Variants in MOB1B observed in about 807,000 individuals in gnomAD.
The protein encoded by MOB1B is MOB1 Mps One Binder homolog B.
MOB1B carries 19 observed loss-of-function variants against 24.4 expected under a neutral mutation model. The ratio of observed to expected loss-of-function variants is 0.78; its 90% CI spans 0.54 to 1.14. MOB1B has a LOEUF of 1.14. Among genes scored for constraint, MOB1B ranks in the 50% most tolerant of loss-of-function variants. The probability of loss-of-function intolerance (pLI) is 0.00; values close to 1 mark genes in which losing one functional copy is unlikely to be tolerated. For synonymous variants in MOB1B, 76 were observed against 82.1 expected (o/e 0.93, Z 0.40); for missense variants, 243 against 259.6 (o/e 0.94, Z 0.44).
At chr4:70,956,819 A>G (rs908089919) in intron 1 of MOB1B, among the ~76,000 whole-genome samples, 2 of 152,158 alleles carry the variant, frequency 1.3e-5, no homozygotes, top group African/African-American at 4.8e-5. Context: ...TTAAACACCT[A>G]TGGAGAGACC....
At chr4:70,977,308 A>G (rs1387948590) in intron 4 of MOB1B, among the ~76,000 whole-genome samples, 3 of 152,114 alleles carry the variant, frequency 2.0e-5, no homozygotes, top group Non-Finnish European at 4.4e-5. Flanking sequence ...TGAGGAGTGC[A>G]TATTATTTTA....
rs1739238779 is a variant in MOB1B, at chr4:70,982,217, T to C, written c.*160T>C. On this transcript the variant is annotated 3_prime_UTR_variant, in exon 6 of 6. Transcript: ENST00000309395. ...TCTTTATTCTGATTATGTGAAACCA[T>C]ATTCTATTGCTAGGGGAAGCCAAGA... 2.1e-5 allele frequency: 11 copies of C among 525,246 alleles called. No homozygotes were observed. The highest frequency in any genetic ancestry group is 3.7e-5 in the Non-Finnish European group (11 of 296,854). 32.5% of individuals were successfully genotyped at this position (525,246 alleles called of 1,614,324 possible).
Position 70,983,736 on chromosome 4 carries a change from T to C in MOB1B, c.*1679T>C, listed in dbSNP as rs781739070. On this transcript the variant is annotated 3_prime_UTR_variant, in exon 6 of 6. Transcript: ENST00000309395. ...ATACAATTTAATGCCATTACAATTA[T>C]GTTGACTAGAAACTGCCTTTTTCTC... 1.4e-4 allele frequency: 22 copies of C among 152,598 alleles called. No individual in the cohort carries two copies. Among genetic ancestry groups the C allele is most frequent in the Non-Finnish European group, 2.6e-4 (18 of 67,992 alleles). The allele number at this position is 152,598 out of a possible 1,614,324, so 9.5% of individuals were successfully genotyped here. A position where few individuals can be genotyped will look rare whatever the true frequency, so the allele number is the denominator to read the frequency against.
At position 70,902,632 on chromosome 4, in the gene MOB1B, C is replaced by A. The variant is rs1048214722; in HGVS notation, c.14+82C>A. On this transcript the variant is annotated intron_variant, in intron 1 of 5. Transcript: ENST00000309395. ...CCGCCGCCCGCCGCCCGTCGCCCGC[C>A]CTCGTCCCGACCCTCCTGGCCCAGC... is the stretch of plus-strand genomic sequence containing the variant. 1.9e-5 allele frequency: 27 copies of A among 1,386,166 alleles called. No homozygotes were observed. In the South Asian group the frequency reaches 3.7e-4, roughly 19 times the overall value. The allele number at this position is 1,386,166 out of a possible 1,614,324, so 85.9% of individuals were successfully genotyped here. A position where few individuals can be genotyped will look rare whatever the true frequency, so the allele number is the denominator to read the frequency against.
At chr4:70,958,624 G>A (rs1738168100) in intron 1 of MOB1B, 1 of 546,280 alleles carries the variant, frequency 1.8e-6, no homozygotes, top group South Asian at 1.5e-5. Context: ...CATCATGGAA[G>A]TACTTTTTTG....
rs1329517761 is a variant in MOB1B at position 70,988,136 on chromosome 4, A to G, written c.*6079A>G. The G allele has an allele frequency of 6.6e-6, 1 of 152,562 alleles. No homozygotes were observed. The highest frequency in any genetic ancestry group is 1.5e-5 in the Non-Finnish European group (1 of 68,014). The allele number at this position is 152,562 out of a possible 1,614,324, so 9.5% of individuals were successfully genotyped here. On this transcript the variant is annotated 3_prime_UTR_variant, in exon 6 of 6. Coordinates refer to ENST00000309395, the MANE Select transcript of MOB1B (RefSeq NM_173468.4). The stretch of plus-strand genomic sequence containing the variant: ...AGAAGAAACTCAATGTTTATAAGAA[A>G]AAAATGAATAAATAGTTACGTTTGG...
At chr4:70,913,635 C>T (rs550840963) in intron 1 of MOB1B, among the ~76,000 whole-genome samples, 40 of 152,170 alleles carry the variant, frequency 2.6e-4, no homozygotes, top group African/African-American at 9.2e-4. Flanking sequence ...CATATAGTGT[C>T]TATTTGTCCA....
intron 1 of MOB1B, among the ~76,000 whole-genome samples, chr4:70,937,075 G>A (rs533424753): frequency 2.0e-5 from 3 of 151,828 alleles, no homozygotes; most frequent in Non-Finnish European, 2.9e-5. Context: ...CCACCACCAC[G>A]CCTCTCTAAT....
chr4:70,947,445 T>C (rs534384389), intron 1 of MOB1B, among the ~76,000 whole-genome samples: 2 of 151,836 alleles, frequency 1.3e-5, no homozygotes, highest in African/African-American at 4.9e-5. Flanking sequence ...GCTAGGTTTT[T>C]TTCCCCCCCG....
chr4:70,902,032 C>A (rs961048057), upstream of MOB1B, among the ~76,000 whole-genome samples: 3 of 152,188 alleles, frequency 2.0e-5, no homozygotes, highest in South Asian at 6.2e-4. Flanking sequence ...TTGACATCCC[C>A]GAGCTGAAGC....
At chr4:70,980,127 C>G (rs1739143582) in intron 5 of MOB1B, among the ~76,000 whole-genome samples, 1 of 152,136 alleles carries the variant, frequency 6.6e-6, no homozygotes, top group African/African-American at 2.4e-5. Flanking sequence ...CCCCTGTTCT[C>G]TTAAGAAATT....
Position 70,948,342 on chromosome 4 carries a change from C to T in MOB1B, c.15-10532C>T, listed in dbSNP as rs80348584. Among the ~76,000 whole-genome samples the T allele has an allele frequency of 3.5e-3, 539 of 152,282 alleles. 1 individual carries two copies. Among genetic ancestry groups the T allele is most frequent in the Middle Eastern group, 0.01 (3 of 294 alleles). ...AGACGTAGTCACATACCTTACAAAT[C>T]GCCCGTTTAGAGTGCACTGTTTAAT... is the stretch of plus-strand genomic sequence containing the variant. On this transcript the variant is annotated intron_variant, in intron 1 of 5. Transcript: ENST00000309395.
In MOB1B at chr4:70,986,458, G is replaced by A. The variant is rs978792076; in HGVS notation, c.*4401G>A. 5.3e-5 allele frequency: 8 copies of A among 152,014 alleles called. No homozygotes were observed. The highest frequency in any genetic ancestry group is 2.1e-4 in the South Asian group (1 of 4,812). 9.4% of individuals were successfully genotyped at this position (152,014 alleles called of 1,614,324 possible). A position where few individuals can be genotyped will look rare whatever the true frequency, so the allele number is the denominator to read the frequency against. ...AACTTTTAATGTCTTTTTAAAAGAT[G>A]TGGGACCAAAAATATATTTATAATT... On this transcript the variant is annotated 3_prime_UTR_variant, in exon 6 of 6. Coordinates refer to ENST00000309395, the MANE Select transcript of MOB1B (RefSeq NM_173468.4).
At chr4:70,915,106 G>A (rs1736148709) in intron 1 of MOB1B, among the ~76,000 whole-genome samples, 1 of 152,188 alleles carries the variant, frequency 6.6e-6, no homozygotes, top group African/African-American at 2.4e-5. Flanking sequence ...ATGATTGCTA[G>A]CAGCTGTTAT....
At chr4:70,958,742 G>A (rs760872628) in intron 1 of MOB1B, 132 bp from the exon 2 acceptor site, 21 of 931,096 alleles carry the variant, frequency 2.3e-5, no homozygotes, top group Middle Eastern at 2.1e-4. Flanking sequence ...TTTGGATGGA[G>A]AGCACAGTAG....
chr4:70,950,861 AACAT>A, intron 1 of MOB1B: 1 of 1,057,350 alleles, frequency 9.5e-7, no homozygotes, highest in Non-Finnish European at 1.4e-6. Context: ...TGAAGTTCTT[AACAT>A]AAGTTTCAGT....
intron 1 of MOB1B, among the ~76,000 whole-genome samples, chr4:70,919,146 T>C (rs1736320866): frequency 7.0e-6 from 1 of 143,592 alleles, no homozygotes. Flanking sequence ...CATCACACTC[T>C]GGGGACTGTT....
intron 1 of MOB1B, among the ~76,000 whole-genome samples, chr4:70,921,674 A>G (rs1429771103): frequency 4.0e-5 from 6 of 151,832 alleles, no homozygotes; most frequent in Non-Finnish European, 8.8e-5. Context: ...ATGCCCAGCT[A>G]ATTTTTGTAT....
chr4:70,926,029 C>T (rs567606110), intron 1 of MOB1B, among the ~76,000 whole-genome samples: 2 of 152,210 alleles, frequency 1.3e-5, no homozygotes, highest in South Asian at 2.1e-4. Flanking sequence ...ACTCTGTCAC[C>T]GAAGCTGGAA....
Sources: gnomAD v4.1 joint callset for allele counts (sites outside exome capture counted in the v4.1 genomes callset) on GRCh38, gnomAD v4.1.1 for gene constraint, MANE v1.5 for transcripts, NCBI Gene and HGNC (gene_info 2026-07-23, HGNC 2026-07-21) for gene names.